Variants in PEX11G observed in about 807,000 individuals in gnomAD.
The protein encoded by PEX11G is peroxisomal membrane protein 11C.
PEX11G carries 20 observed loss-of-function variants against 22.5 expected under a neutral mutation model. The ratio of observed to expected loss-of-function variants is 0.89; its 90% CI spans 0.62 to 1.29. The LOEUF is 1.29. Ranked by LOEUF, PEX11G falls within the 50% of genes most tolerant of loss-of-function variation. The pLI is 0.00. For missense variants in PEX11G, 347 were observed against 331.3 expected (o/e 1.05, Z -0.37); for synonymous variants, 141 against 154.5 (o/e 0.91, Z 0.65).
Position 7,488,972 on chromosome 19 carries a change from C to G in PEX11G, c.39G>C (p.Ser13=), listed in dbSNP as rs1183091162. ...TCACCAGGCGGTCCCGGCCCCTGTA[C>G]GACTCCAGCGCCGACGCCAGGCCGC... is the stretch of plus-strand genomic sequence containing the variant. ...SLSGLASALE[S]YRGRDRLIRV... Residue 13 remains serine, a synonymous_variant, in exon 1 of 5, where the codon TCG becomes TCC. Transcript: ENST00000221480. 4.5e-6 allele frequency: 7 copies of G among 1,554,560 alleles called. No individual in the cohort carries two copies. The highest frequency in any genetic ancestry group is 6.1e-6 in the Non-Finnish European group (7 of 1,151,856).
chr19:7,489,170 G>A (rs962164272), upstream of PEX11G: 9 of 763,040 alleles, frequency 1.2e-5, no homozygotes, highest in Admixed American at 2.5e-4. Flanking sequence ...GACAGAGTTT[G>A]CAGAGGTGGG....
chr19:7,485,505 G>A lies in PEX11G; in HGVS notation c.249+333C>T, dbSNP rs146530853. Among the ~76,000 whole-genome samples the A allele has an allele frequency of 2.8e-3, 422 of 152,258 alleles. 4 individuals are homozygous for A. The highest frequency in any genetic ancestry group is 9.3e-3 in the African/African-American group (386 of 41,556). On this transcript the variant is annotated intron_variant, in intron 2 of 4. Coordinates refer to ENST00000221480, the MANE Select transcript of PEX11G (RefSeq NM_080662.4). ...TGAGTAGCTGGGACTGCAGGCGCCT[G>A]CAACCACACCTGGCTAATTTTTTGC...
At chr19:7,489,098 C>A, upstream of PEX11G, 8 of 1,354,700 alleles carry the variant, frequency 5.9e-6, no homozygotes, top group Non-Finnish European at 7.6e-6. Context: ...CAAAGGCTTG[C>A]GCGCAGGCGC....
At chr19:7,488,524 A>G (rs1326279966) in intron 1 of PEX11G, among the ~76,000 whole-genome samples, 1 of 151,050 alleles carries the variant, frequency 6.6e-6, no homozygotes, top group Non-Finnish European at 1.5e-5. Context: ...CGCTGGCCAG[A>G]CGCGGTGGCT....
At chr19:7,492,576 G>C (rs543949495), upstream of PEX11G, among the ~76,000 whole-genome samples, 1 of 151,996 alleles carries the variant, frequency 6.6e-6, no homozygotes, top group Non-Finnish European at 1.5e-5. Context: ...CAAATAGCTG[G>C]GATTACAGCA....
intron 1 of PEX11G, 63 bp from the exon 2 acceptor site, chr19:7,486,089 C>T: frequency 7.0e-7 from 1 of 1,422,202 alleles, no homozygotes; most frequent in South Asian, 1.4e-5. Context: ...CTGCATCCCC[C>T]CATACCTGGC....
chr19:7,490,322 TG>T (rs1263063488), upstream of PEX11G, among the ~76,000 whole-genome samples: 6 of 151,988 alleles, frequency 3.9e-5, no homozygotes, highest in African/African-American at 1.5e-4. Flanking sequence ...GTTTTTCCCT[TG>T]TTAATTTTTT....
upstream of PEX11G, among the ~76,000 whole-genome samples, chr19:7,493,800 G>C (rs1048623630): frequency 3.2e-4 from 48 of 150,204 alleles, no homozygotes. Context: ...GAGGTCAGGA[G>C]TTGGAGACCA....
chr19:7,477,472 C>A, intron 4 of PEX11G, 36 bp from the exon 5 acceptor site: 1 of 1,379,762 alleles, frequency 7.2e-7, no homozygotes, highest in South Asian at 1.6e-5. Context: ...CACTCACGCT[C>A]ACACCTGCCT....
upstream of PEX11G, chr19:7,489,056 G>A: frequency 3.4e-6 from 5 of 1,464,374 alleles, no homozygotes; most frequent in Non-Finnish European, 4.5e-6. Flanking sequence ...CGCGCCAGGG[G>A]GCGGGGCCAG....
intron 3 of PEX11G, among the ~76,000 whole-genome samples, chr19:7,479,340 TG>T (rs1294255421): frequency 6.6e-6 from 1 of 151,922 alleles, no homozygotes; most frequent in Non-Finnish European, 1.5e-5. Flanking sequence ...AAAAATTAGC[TG>T]GGGGTGGTGG....
chr19:7,485,567 G>A (rs1286992945), intron 2 of PEX11G, among the ~76,000 whole-genome samples: 3 of 152,100 alleles, frequency 2.0e-5, no homozygotes, highest in Non-Finnish European at 4.4e-5. Context: ...GTGTTAGCCA[G>A]GACGGTCTCC....
At chr19:7,489,352 T>C, upstream of PEX11G, 2 of 1,096,620 alleles carry the variant, frequency 1.8e-6, no homozygotes, top group Non-Finnish European at 2.2e-6. Flanking sequence ...ACCAACCTGT[T>C]CGCAGTGGTT....
rs1439099182 is a variant in PEX11G, at chr19:7,477,143, G to C, written c.*59C>G. The C allele has an allele frequency of 2.2e-6, 3 of 1,378,708 alleles. No homozygotes were observed. The highest frequency in any genetic ancestry group is 2.8e-6 in the Non-Finnish European group (3 of 1,056,756). The allele number at this position is 1,378,708 out of a possible 1,614,324, so 85.4% of individuals were successfully genotyped here. Reference sequence around the variant, plus strand: ...CCCGGCCCCTGCCCTGGCGGCTTCTGCTTTGCGGGAAGGGCCCTCCGTGGG... The same window carrying C: ...CCCGGCCCCTGCCCTGGCGGCTTCTCCTTTGCGGGAAGGGCCCTCCGTGGG... On this transcript the variant is annotated 3_prime_UTR_variant, in exon 5 of 5. Coordinates refer to ENST00000221480, the MANE Select transcript of PEX11G (RefSeq NM_080662.4).
chr19:7,488,653 T>A (rs1023678621), intron 1 of PEX11G, among the ~76,000 whole-genome samples: 1 of 151,984 alleles, frequency 6.6e-6, no homozygotes, highest in Non-Finnish European at 1.5e-5. Context: ...TACAAAAAAA[T>A]AGCAGGGAGT....
At chr19:7,489,540 T>A (rs1210084786), upstream of PEX11G, 23 of 971,404 alleles carry the variant, frequency 2.4e-5, no homozygotes, top group Non-Finnish European at 2.8e-5. Flanking sequence ...AAAATAAAAA[T>A]GCACAATTCA....
At chr19:7,489,851 C>CTTTTTTTTTTTTTTTTTTT (rs55711330), upstream of PEX11G, among the ~76,000 whole-genome samples, 1 of 143,858 alleles carries the variant, frequency 7.0e-6, no homozygotes. Context: ...CTGGAGACGT[C>CTTTTTTTTTTTTTTTTTTT]TTTTTTTTTT....
Position 7,482,221 on chromosome 19 carries a change from CAGGAG to C in PEX11G, c.250-15_250-11del. 6.4e-7 allele frequency: 1 copy of C among 1,553,156 alleles called. No homozygotes were observed. Among genetic ancestry groups the C allele is most frequent in the South Asian group, 1.2e-5 (1 of 84,406 alleles). On this transcript the variant is annotated splice_polypyrimidine_tract_variant and intron_variant, in intron 2 of 4. Coordinates refer to ENST00000221480, the MANE Select transcript of PEX11G (RefSeq NM_080662.4). Reference sequence around the variant, plus strand: ...CAAAGGCGTCCTCCTCCTGCAGGACCAGGAGCAGAGGGGGCCTAGGGTCAGACTTA... The same window carrying C: ...CAAAGGCGTCCTCCTCCTGCAGGACCCAGAGGGGGCCTAGGGTCAGACTTA...
chr19:7,485,762 A>AG, intron 2 of PEX11G, 76 bp downstream of exon 2: 1 of 1,370,912 alleles, frequency 7.3e-7, no homozygotes, highest in Non-Finnish European at 9.9e-7. Flanking sequence ...AGCCACTGTG[A>AG]GGGGCCAAAA....
Sources: gnomAD v4.1 joint callset for allele counts (sites outside exome capture counted in the v4.1 genomes callset) on GRCh38, gnomAD v4.1.1 for gene constraint, MANE v1.5 for transcripts, NCBI Gene and HGNC (gene_info 2026-07-23, HGNC 2026-07-21) for gene names.